The following GLI3 variants were observed in gnomAD, a reference collection of about 807,000 sequenced individuals.
GLI3 encodes transcription activator GLI3.
Under a neutral mutation model 100.8 loss-of-function variants are expected in GLI3, and 20 were observed. The ratio of observed to expected loss-of-function variants is 0.20; its 90% CI spans 0.14 to 0.29. GLI3 has a LOEUF of 0.29. GLI3 is among the 10% of genes least tolerant of loss of function. The probability of loss-of-function intolerance (pLI) is 1.00; values close to 1 mark genes in which losing one functional copy is unlikely to be tolerated. For synonymous variants in GLI3, 938 were observed against 860.5 expected, an observed-to-expected ratio of 1.09 and a Z score of -1.58; for missense variants, 2,040 against 2,128.5, an observed-to-expected ratio of 0.96 and a Z score of 0.82.
intron 4 of GLI3, among the ~76,000 whole-genome samples, chr7:42,065,886 T>C (rs1270566551): frequency 2.6e-5 from 4 of 152,130 alleles, no homozygotes; most frequent in African/African-American, 7.2e-5. Flanking sequence ...ATGATTCGAG[T>C]AGCCATGTTA....
intron 2 of GLI3, among the ~76,000 whole-genome samples, chr7:42,209,160 C>A (rs576778510): frequency 6.6e-6 from 1 of 152,184 alleles, no homozygotes; most frequent in East Asian, 1.9e-4. Context: ...TTCAAGTGAT[C>A]TTCCCACCTC....
intron 2 of GLI3, among the ~76,000 whole-genome samples, chr7:42,183,452 A>G (rs1787657400): frequency 6.6e-6 from 1 of 152,132 alleles, no homozygotes; most frequent in Non-Finnish European, 1.5e-5. Flanking sequence ...TCATTACCTT[A>G]TCTTACCCCA....
At chr7:42,174,677 C>T (rs946881097) in intron 2 of GLI3, among the ~76,000 whole-genome samples, 5 of 152,206 alleles carry the variant, frequency 3.3e-5, no homozygotes, top group African/African-American at 9.6e-5. Flanking sequence ...TCACAGACCT[C>T]GGCTTTCATC....
intron 10 of GLI3, among the ~76,000 whole-genome samples, chr7:41,979,388 C>A (rs184766375): frequency 6.6e-6 from 1 of 152,150 alleles, no homozygotes; most frequent in African/African-American, 2.4e-5. Flanking sequence ...TCTTTCAGGG[C>A]CTTGGTTTTC....
chr7:42,014,603 C>T (rs1282989093), intron 10 of GLI3, among the ~76,000 whole-genome samples: 1 of 152,184 alleles, frequency 6.6e-6, no homozygotes, highest in East Asian at 1.9e-4. Flanking sequence ...ATACCATGCT[C>T]ATATCCAATC....
At chr7:42,101,111 T>G (rs1364094751) in intron 3 of GLI3, among the ~76,000 whole-genome samples, 1 of 152,106 alleles carries the variant, frequency 6.6e-6, no homozygotes, top group Non-Finnish European at 1.5e-5. Flanking sequence ...CTCCTGTGAG[T>G]AGGAGTAGCA....
At chr7:42,006,445 A>C (rs944701615) in intron 10 of GLI3, among the ~76,000 whole-genome samples, 1 of 152,138 alleles carries the variant, frequency 6.6e-6, no homozygotes, top group African/African-American at 2.4e-5. Flanking sequence ...TCTCTATGAA[A>C]CCTGCCCTCC....
In GLI3 at chr7:41,992,507, C is replaced by T. The variant is rs554684718; in HGVS notation, c.1498-13759G>A. Among the ~76,000 whole-genome samples, 80 of 152,048 alleles carry T rather than the reference C, an allele frequency of 5.3e-4. 1 individual carries two copies. Among genetic ancestry groups the T allele is most frequent in the Non-Finnish European group, 1.0e-3 (71 of 68,014 alleles). ...CTGATGCAGGAATGTGGGCCCCTTCCCTACCCCATGTTATCTTTGGTAAAC... is the reference window on the plus strand; with the variant it reads ...CTGATGCAGGAATGTGGGCCCCTTCTCTACCCCATGTTATCTTTGGTAAAC... On this transcript the variant is annotated intron_variant, in intron 10 of 14. Transcript: ENST00000395925.
chr7:42,223,032 C>T, intron 2 of GLI3, 98 bp downstream of exon 2: 1 of 1,428,568 alleles, frequency 7.0e-7, no homozygotes, highest in Non-Finnish European at 9.8e-7. Context: ...TCTCCTAGAA[C>T]AAACACTGGT....
chr7:42,111,091 A>T (rs113305432), intron 3 of GLI3, among the ~76,000 whole-genome samples: 4 of 152,324 alleles, frequency 2.6e-5, no homozygotes, highest in Admixed American at 2.0e-4. Flanking sequence ...AGTATTAAAG[A>T]TTATTAAGGA....
intron 3 of GLI3, among the ~76,000 whole-genome samples, chr7:42,116,276 C>A (rs780778995): frequency 3.3e-5 from 5 of 152,092 alleles, no homozygotes; most frequent in Non-Finnish European, 5.9e-5. Context: ...AACAGCAGCA[C>A]ACGAGCTCAT....
intron 10 of GLI3, among the ~76,000 whole-genome samples, chr7:41,985,050 G>A (rs565439525): frequency 6.6e-6 from 1 of 152,342 alleles, no homozygotes; most frequent in African/African-American, 2.4e-5. Flanking sequence ...CAGCCTTTCT[G>A]GCTGGTAGTT....
At position 41,980,222 on chromosome 7, in the gene GLI3, C is replaced by T. The variant is rs371132170; in HGVS notation, c.1498-1474G>A. ...CTGCAGTGGTTGGGGAGCAACCCCA[C>T]GGCAAACAGATGTGGGTTTCCTATG... is the stretch of plus-strand genomic sequence containing the variant. On this transcript the variant is annotated intron_variant, in intron 10 of 14. Coordinates refer to ENST00000395925, the MANE Select transcript of GLI3 (RefSeq NM_000168.6). 1.4e-4 allele frequency among the ~76,000 whole-genome samples: 22 copies of T among 152,300 alleles called. No homozygotes were observed. The East Asian group carries it at 2.1e-3, about 15-fold the overall frequency.
At chr7:42,227,661 T>TGTA (rs1335680730) in intron 1 of GLI3, 3 of 152,078 alleles carry the variant, frequency 2.0e-5, no homozygotes, top group Non-Finnish European at 2.9e-5. Context: ...CTGGTGACGC[T>TGTA]GTAGTGCACG....
At chr7:42,169,524 T>A (rs1219968056) in intron 2 of GLI3, among the ~76,000 whole-genome samples, 2 of 152,226 alleles carry the variant, frequency 1.3e-5, no homozygotes, top group African/African-American at 4.8e-5. Flanking sequence ...GCATGTTGAA[T>A]ACTCACATAT....
At chr7:42,253,406 G>A (rs1458725895) in intron 1 of GLI3, among the ~76,000 whole-genome samples, 1 of 152,184 alleles carries the variant, frequency 6.6e-6, no homozygotes, top group Non-Finnish European at 1.5e-5. Context: ...CTCCTGGGAT[G>A]GGGATACACC....
chr7:42,175,589 G>C (rs894302128), intron 2 of GLI3, among the ~76,000 whole-genome samples: 1 of 151,482 alleles, frequency 6.6e-6, no homozygotes, highest in Non-Finnish European at 1.5e-5. Flanking sequence ...CTGCACTCCA[G>C]CCTGGGTGAC....
At chr7:42,181,553 C>T (rs1243813371) in intron 2 of GLI3, among the ~76,000 whole-genome samples, 1 of 152,128 alleles carries the variant, frequency 6.6e-6, no homozygotes, top group Non-Finnish European at 1.5e-5. Flanking sequence ...TGAAATGAAC[C>T]ATGATCACAA....
chr7:42,243,492 A>T (rs1788944095), intron 1 of GLI3, among the ~76,000 whole-genome samples: 1 of 152,208 alleles, frequency 6.6e-6, no homozygotes, highest in African/African-American at 2.4e-5. Context: ...GCCTGGATTT[A>T]AATCATTTCT....
Sources: gnomAD v4.1 joint callset for allele counts (sites outside exome capture counted in the v4.1 genomes callset) on GRCh38, gnomAD v4.1.1 for gene constraint, MANE v1.5 for transcripts, NCBI Gene and HGNC (gene_info 2026-07-23, HGNC 2026-07-21) for gene names.